PPP1R1C: variants seen among roughly 807,000 people sequenced by gnomAD.
The protein encoded by PPP1R1C is protein phosphatase 1 regulatory inhibitor subunit 1C, also known as protein phosphatase 1 regulatory subunit 1C.
A neutral mutation model predicts 17.4 loss-of-function variants in PPP1R1C; 15 were observed. The observed-to-expected ratio is 0.86, with a 90% confidence interval of 0.58 to 1.33. PPP1R1C has a LOEUF of 1.33. Among genes scored for constraint, PPP1R1C ranks in the 40% most tolerant of loss-of-function variants. The probability of loss-of-function intolerance (pLI) is 0.00; values close to 1 mark genes in which losing one functional copy is unlikely to be tolerated. For missense variants in PPP1R1C, 143 were observed against 130.0 expected, an observed-to-expected ratio of 1.10 and a Z score of -0.48; for synonymous variants, 35 against 43.1, an observed-to-expected ratio of 0.81 and a Z score of 0.73.
intron 4 of PPP1R1C, among the ~76,000 whole-genome samples, chr2:182,070,376 T>C (rs1420439743): frequency 6.6e-6 from 1 of 152,266 alleles, no homozygotes; most frequent in Non-Finnish European, 1.5e-5. Flanking sequence ...GTCTCATTAA[T>C]GGGACTATGT....
chr2:182,026,426 A>C, intron 2 of PPP1R1C, among the ~76,000 whole-genome samples: 1 of 135,300 alleles, frequency 7.4e-6, no homozygotes. Flanking sequence ...CTTTCTACAT[A>C]TGTCTAGCCA....
chr2:181,985,244 C>A (rs576756594), upstream of PPP1R1C, among the ~76,000 whole-genome samples: 2 of 152,140 alleles, frequency 1.3e-5, no homozygotes, highest in African/African-American at 4.8e-5. This position sits in a 1 kb window ranked among gnomAD's most constrained non-coding sequence, Gnocchi z 4.1. Flanking sequence ...CTGTGAACTG[C>A]AATTTTAGAA....
intron 2 of PPP1R1C, among the ~76,000 whole-genome samples, chr2:182,057,345 A>G (rs886306704): frequency 1.1e-4 from 16 of 152,282 alleles, no homozygotes; most frequent in Admixed American, 5.9e-4. Flanking sequence ...ATGAGTTCCA[A>G]TTGAGCATAG....
rs537295872 is a variant in PPP1R1C at position 182,071,546 on chromosome 2, G to A, written c.241+7755G>A. 1.3e-4 allele frequency among the ~76,000 whole-genome samples: 20 copies of A among 152,134 alleles called. No individual in the cohort carries two copies. The South Asian group carries it at 3.3e-3, about 25-fold the overall frequency. The stretch of plus-strand genomic sequence containing the variant: ...TGTAAAGTTATCCTTTTTTTACTCC[G>A]TTTCCATACTGTACTCTTTGGAAGG... On this transcript the variant is annotated intron_variant, in intron 4 of 4. Coordinates refer to ENST00000682840, the MANE Select transcript of PPP1R1C (RefSeq NM_001080545.3).
chr2:182,016,517 C>G (rs1229332259), intron 2 of PPP1R1C, among the ~76,000 whole-genome samples: 1 of 152,116 alleles, frequency 6.6e-6, no homozygotes, highest in Admixed American at 6.5e-5. Context: ...TAGTATTATT[C>G]ACTTTATGTA....
At chr2:182,087,238 C>A (rs1218108930) in intron 4 of PPP1R1C, among the ~76,000 whole-genome samples, 2 of 152,194 alleles carry the variant, frequency 1.3e-5, no homozygotes, top group African/African-American at 2.4e-5. Flanking sequence ...CAGAGTGATT[C>A]TTTATAGTCC....
intron 1 of PPP1R1C, among the ~76,000 whole-genome samples, chr2:181,986,871 G>A (rs1482564027): frequency 6.6e-6 from 1 of 152,184 alleles, no homozygotes; most frequent in Non-Finnish European, 1.5e-5. Context: ...AACTGCAACT[G>A]TGAGGAGGCA....
At chr2:182,114,436 G>A (rs903211270) in intron 4 of PPP1R1C, among the ~76,000 whole-genome samples, 2 of 152,130 alleles carry the variant, frequency 1.3e-5, no homozygotes, top group Admixed American at 6.6e-5. Flanking sequence ...CAAATTATAC[G>A]TGTGTTTTGG....
chr2:181,966,350 A>G (rs1463837818), intron 1 of PPP1R1C, among the ~76,000 whole-genome samples: 1 of 152,170 alleles, frequency 6.6e-6, no homozygotes, highest in Admixed American at 6.5e-5. Context: ...GTTGAATAAC[A>G]GTGGTGAAAG....
At chr2:182,079,665 A>G (rs1385239825) in intron 4 of PPP1R1C, among the ~76,000 whole-genome samples, 2 of 152,220 alleles carry the variant, frequency 1.3e-5, no homozygotes, top group Non-Finnish European at 2.9e-5. Flanking sequence ...CAAACTTGGT[A>G]CTTAACACAA....
rs1246135090 is a variant in PPP1R1C, at chr2:181,962,891, T to G, written n.111+8257T>G. Among the ~76,000 whole-genome samples the G allele has an allele frequency of 9.9e-5, 15 of 152,108 alleles. No individual in the cohort carries two copies. The highest frequency in any genetic ancestry group is 9.8e-4 in the Admixed American group (15 of 15,282). Reference sequence around the variant, plus strand: ...TGATTCCCTTTGTCTGCAGGACACATTTGAGAGGGGGGATCTCTGAAGTAG... The same window carrying G: ...TGATTCCCTTTGTCTGCAGGACACAGTTGAGAGGGGGGATCTCTGAAGTAG... On this transcript the variant is annotated intron_variant and non_coding_transcript_variant, in intron 1 of 5. Coordinates refer to the PPP1R1C transcript ENST00000464264. This position sits in a 1 kb window ranked among gnomAD's most constrained non-coding sequence, Gnocchi z 6.0.
At chr2:182,004,839 A>G (rs1323072557) in intron 2 of PPP1R1C, among the ~76,000 whole-genome samples, 1 of 152,220 alleles carries the variant, frequency 6.6e-6, no homozygotes, top group Non-Finnish European at 1.5e-5. Context: ...ATTGGATGGC[A>G]AAATTGGAGG....
Position 181,957,681 on chromosome 2 carries a change from C to T in PPP1R1C, n.111+3047C>T, listed in dbSNP as rs899405516. The stretch of plus-strand genomic sequence containing the variant: ...CCAAATAATCAAAATCTGATAATTC[C>T]CATTGCATACCTTAGGAATCTGTCT... On this transcript the variant is annotated intron_variant and non_coding_transcript_variant, in intron 1 of 5. Transcript: ENST00000464264. The surrounding 1 kb of genome is among the most constrained non-coding windows in gnomAD (Gnocchi z 4.2). Among the ~76,000 whole-genome samples, 1 of 152,028 alleles carries T rather than the reference C, an allele frequency of 6.6e-6. No individual in the cohort carries two copies. Among genetic ancestry groups the T allele is most frequent in the South Asian group, 2.1e-4 (1 of 4,816 alleles).
At chr2:182,101,544 T>C (rs1396130579) in intron 4 of PPP1R1C, among the ~76,000 whole-genome samples, 2 of 152,170 alleles carry the variant, frequency 1.3e-5, no homozygotes, top group Non-Finnish European at 2.9e-5. Context: ...AGTAGCAGTT[T>C]ATTTGCTTTC....
Position 182,076,185 on chromosome 2 carries a change from TTTTTTTCTTTTC to T in PPP1R1C, c.241+12401_241+12412del, listed in dbSNP as rs1688295345. Among the ~76,000 whole-genome samples the T allele has an allele frequency of 1.5e-4, 19 of 124,316 alleles. 2 individuals carry two copies. The highest frequency in any genetic ancestry group is 5.9e-4 in the African/African-American group (17 of 28,730). The allele number at this position is 124,316 out of a possible 152,430, so 81.6% of individuals were successfully genotyped here. ...CTATAAATCAAGGATTTTGAACTTT[TTTTTTTCTTTTC>T]TTTTTTTTTTTTTTTTTTTTTTTTT... On this transcript the variant is annotated intron_variant, in intron 4 of 4. Coordinates refer to ENST00000682840, the MANE Select transcript of PPP1R1C (RefSeq NM_001080545.3).
chr2:181,993,118 T>C (rs1246031960), intron 2 of PPP1R1C, among the ~76,000 whole-genome samples: 1 of 152,206 alleles, frequency 6.6e-6, no homozygotes, highest in Non-Finnish European at 1.5e-5. Context: ...GAAATAATGC[T>C]GGACTAAGAT....
intron 2 of PPP1R1C, among the ~76,000 whole-genome samples, chr2:182,019,340 T>C (rs896795675): frequency 1.3e-5 from 2 of 152,176 alleles, no homozygotes; most frequent in African/African-American, 4.8e-5. Flanking sequence ...ATTTTTGCCA[T>C]CCCTTGGGTG....
chr2:181,967,513 C>A lies in PPP1R1C; in HGVS notation n.112-7706C>A, dbSNP rs998023651. On this transcript the variant is annotated intron_variant and non_coding_transcript_variant, in intron 1 of 5. Transcript: ENST00000464264. The surrounding 1 kb of genome is among the most constrained non-coding windows in gnomAD (Gnocchi z 5.5). ...AATGTGTTTCCATTTTCATTTATTT[C>A]AAGAAATTCTTCAACTTCCTTCTTA... is the stretch of plus-strand genomic sequence containing the variant. Among the ~76,000 whole-genome samples the A allele has an allele frequency of 6.6e-6, 1 of 152,108 alleles. No individual in the cohort carries two copies. Among genetic ancestry groups the A allele is most frequent in the Non-Finnish European group, 1.5e-5 (1 of 68,016 alleles).
chr2:181,978,350 T>C (rs1269771682), intron 2 of PPP1R1C, among the ~76,000 whole-genome samples: 1 of 152,210 alleles, frequency 6.6e-6, no homozygotes, highest in East Asian at 1.9e-4. Flanking sequence ...GACAGAACAT[T>C]TGGAGAGTAG....
Sources: allele counts gnomAD v4.1 joint callset (sites outside exome capture counted in the v4.1 genomes callset), GRCh38; gene constraint gnomAD v4.1.1; non-coding constraint Gnocchi (gnomAD v3.1); transcripts MANE v1.5; gene names NCBI Gene and HGNC (gene_info 2026-07-23, HGNC 2026-07-21).